VPS50: variants seen among roughly 807,000 people sequenced by gnomAD.
VPS50 encodes syndetin.
Under a neutral mutation model 139.7 loss-of-function variants are expected in VPS50, and 70 were observed. That is an observed-to-expected ratio of 0.50 (90% confidence interval 0.41 to 0.61). The LOEUF is 0.61. VPS50 is among the 20% of genes least tolerant of loss of function. The probability of loss-of-function intolerance (pLI) is 0.00; values close to 1 mark genes in which losing one functional copy is unlikely to be tolerated. For missense variants in VPS50, 921 were observed against 1,133.7 expected, an observed-to-expected ratio of 0.81 and a Z score of 2.69; for synonymous variants, 365 against 376.7, an observed-to-expected ratio of 0.97 and a Z score of 0.36.
At chr7:93,314,553 C>T (rs960844651) in intron 20 of VPS50, among the ~76,000 whole-genome samples, 1 of 152,124 alleles carries the variant, frequency 6.6e-6, no homozygotes, top group Non-Finnish European at 1.5e-5. Flanking sequence ...TCACGGTTCT[C>T]TCTCCTGGAA....
At chr7:93,266,853 T>C (rs1192606857) in intron 9 of VPS50, among the ~76,000 whole-genome samples, 2 of 152,234 alleles carry the variant, frequency 1.3e-5, no homozygotes, top group Admixed American at 6.5e-5. Context: ...CTTTTATATA[T>C]GTATTTTTAA....
At chr7:93,253,991 G>A in intron 4 of VPS50, 60 bp downstream of exon 4, 2 of 834,180 alleles carry the variant, frequency 2.4e-6, no homozygotes, top group South Asian at 1.8e-5. Flanking sequence ...ACAACAGAGA[G>A]GTATAATGTT....
intron 12 of VPS50, among the ~76,000 whole-genome samples, chr7:93,286,328 A>T (rs1003843087): frequency 6.6e-6 from 1 of 152,174 alleles, no homozygotes; most frequent in African/African-American, 2.4e-5. Flanking sequence ...GGATTATAAT[A>T]TGGTGCTCCT....
intron 20 of VPS50, among the ~76,000 whole-genome samples, chr7:93,316,772 G>GA (rs943281488): frequency 1.2e-4 from 19 of 152,256 alleles, no homozygotes; most frequent in Admixed American, 4.6e-4. Flanking sequence ...GAGGTCAGGA[G>GA]AAAAAACATG....
At chr7:93,309,049 TATA>T in intron 19 of VPS50, 107 bp downstream of exon 19, 1 of 497,402 alleles carries the variant, frequency 2.0e-6, no homozygotes, top group Non-Finnish European at 3.6e-6. Flanking sequence ...TTTTGGTACT[TATA>T]ATGTCACCTG....
At chr7:93,304,797 G>C (rs1797070606) in intron 17 of VPS50, among the ~76,000 whole-genome samples, 1 of 151,726 alleles carries the variant, frequency 6.6e-6, no homozygotes, top group Middle Eastern at 3.2e-3. Flanking sequence ...GTGTTCACCT[G>C]ACATGCATTC....
At chr7:93,285,481 A>G (rs1451696594) in intron 12 of VPS50, among the ~76,000 whole-genome samples, 1 of 152,210 alleles carries the variant, frequency 6.6e-6, no homozygotes, top group African/African-American at 2.4e-5. Context: ...TCCCGTATTT[A>G]CTACTTTACT....
At position 93,257,415 on chromosome 7, in the gene VPS50, T is replaced by C. The variant is rs140993533; in HGVS notation, c.373T>C (p.Leu125=). 4.1e-5 allele frequency: 65 copies of C among 1,602,220 alleles called. 1 individual carries two copies. Among genetic ancestry groups the C allele is most frequent in the Non-Finnish European group, 5.1e-5 (60 of 1,170,548 alleles). ...YVKELERVTS[L]QTGLQLAAVI... Reference sequence around the variant, plus strand: ...ATAGGAACTTGAAAGAGTTACCTCATTGCAGACAGGTCTTCAATTAGCTGC... The same window carrying C: ...ATAGGAACTTGAAAGAGTTACCTCACTGCAGACAGGTCTTCAATTAGCTGC... Residue 125 remains leucine (L), a synonymous_variant, in exon 6 of 28, where the codon TTG becomes CTG. Coordinates refer to ENST00000305866, the MANE Select transcript of VPS50 (RefSeq NM_017667.4).
At chr7:93,292,631 A>G (rs1796684088) in intron 13 of VPS50, among the ~76,000 whole-genome samples, 1 of 152,054 alleles carries the variant, frequency 6.6e-6, no homozygotes, top group Non-Finnish European at 1.5e-5. Flanking sequence ...ACTTTAATAA[A>G]CTTCCAGTTT....
In VPS50 at chr7:93,308,927, A is replaced by G. The variant is rs779485432; in HGVS notation, c.1733A>G (p.Asp578Gly). 1.9e-6 allele frequency: 3 copies of G among 1,561,738 alleles called. No homozygotes were observed. The highest frequency in any genetic ancestry group is 8.8e-7 in the Non-Finnish European group (1 of 1,133,292). The change falls in exon 19 of 28, where the codon GAT becomes GGT. Residue 578 changes from aspartate (D) to glycine (G), a missense_variant. Coordinates refer to ENST00000305866, the MANE Select transcript of VPS50 (RefSeq NM_017667.4). ...KRDYVDEQTGDGPVKSVSRET... is the reference protein window; with the variant it reads ...KRDYVDEQTGGGPVKSVSRET... ...GACTATGTGGATGAGCAGACAGGAG[A>G]TGGTCCTGTGAAAAGGTGATTGTTC...
At chr7:93,277,620 T>C (rs1442655935) in intron 12 of VPS50, among the ~76,000 whole-genome samples, 6 of 152,210 alleles carry the variant, frequency 3.9e-5, no homozygotes, top group African/African-American at 1.4e-4. Context: ...GTATTAAAGA[T>C]TAAGTTAATA....
rs1584506157 is a variant in VPS50 at position 93,360,107 on chromosome 7, G to C, written c.*1671G>C. 6.6e-6 allele frequency: 1 copy of C among 152,082 alleles called. No homozygotes were observed. 9.4% of individuals were successfully genotyped at this position (152,082 alleles called of 1,614,324 possible). A position where few individuals can be genotyped will look rare whatever the true frequency, so the allele number is the denominator to read the frequency against. ...TGGCATATTTAGCTGGGCACATAAA[G>C]AGCTAATCAATCTTTTAAAATTTGC... On this transcript the variant is annotated 3_prime_UTR_variant, in exon 28 of 28. Transcript: ENST00000305866.
At chr7:93,330,304 A>G (rs575200441) in intron 21 of VPS50, among the ~76,000 whole-genome samples, 1 of 152,300 alleles carries the variant, frequency 6.6e-6, no homozygotes, top group African/African-American at 2.4e-5. Flanking sequence ...CAGGAAAGGA[A>G]GAACCAAGGA....
intron 12 of VPS50, among the ~76,000 whole-genome samples, chr7:93,283,231 CTT>C (rs775610044): frequency 1.3e-4 from 18 of 140,544 alleles, no homozygotes; most frequent in Non-Finnish European, 1.1e-4. Context: ...TTTTTCTTTT[CTT>C]TTTTTTTTTT....
intron 11 of VPS50, among the ~76,000 whole-genome samples, chr7:93,275,055 A>G (rs1040566965): frequency 4.6e-5 from 7 of 152,304 alleles, no homozygotes; most frequent in African/African-American, 1.7e-4. Context: ...GTAGAATTAG[A>G]AGTGGAGCCT....
rs71528064 is a variant in VPS50, at chr7:93,322,599, CAAAAAAAA to C, written c.1856-996_1856-989del. On this transcript the variant is annotated intron_variant, in intron 20 of 27. Coordinates refer to ENST00000305866, the MANE Select transcript of VPS50 (RefSeq NM_017667.4). ...TGGGCGACAGAGCGAGACTCCGTCTCAAAAAAAAAAAAAAAAAAAAAAATAGTACCAAT... is the reference window on the plus strand; with the variant it reads ...TGGGCGACAGAGCGAGACTCCGTCTCAAAAAAAAAAAAAAATAGTACCAAT... Among the ~76,000 whole-genome samples, 6 of 66,166 alleles carry C rather than the reference CAAAAAAAA, an allele frequency of 9.1e-5. No homozygotes were observed. In the East Asian group the frequency reaches 1.6e-3, roughly 17 times the overall value. 43.4% of individuals were successfully genotyped at this position (66,166 alleles called of 152,430 possible).
intron 1 of VPS50, among the ~76,000 whole-genome samples, chr7:93,234,218 G>A (rs542918659): frequency 6.6e-6 from 1 of 152,200 alleles, no homozygotes; most frequent in African/African-American, 2.4e-5. Context: ...TATGGTAGCT[G>A]TGGTTGGTTT....
At chr7:93,237,136 T>G (rs1382411148) in intron 1 of VPS50, among the ~76,000 whole-genome samples, 4 of 150,210 alleles carry the variant, frequency 2.7e-5, no homozygotes, top group Non-Finnish European at 5.9e-5. Context: ...TTTTGTATTT[T>G]TAGTAGAGAC....
At chr7:93,345,253 CAT>C (rs1798356225) in intron 23 of VPS50, among the ~76,000 whole-genome samples, 1 of 152,184 alleles carries the variant, frequency 6.6e-6, no homozygotes, top group Non-Finnish European at 1.5e-5. Flanking sequence ...TTCCTCGACA[CAT>C]ACACTCTCCC....
Sources: gnomAD v4.1 joint callset for allele counts (sites outside exome capture counted in the v4.1 genomes callset) on GRCh38, gnomAD v4.1.1 for gene constraint, MANE v1.5 for transcripts, NCBI Gene and HGNC (gene_info 2026-07-23, HGNC 2026-07-21) for gene names.